The following CTXND1 variants were observed in gnomAD, a reference collection of about 807,000 sequenced individuals.
CTXND1 encodes the protein cortexin domain-containing 1 protein.
At chr15:80,242,422 G>A (rs1050147769) in intron 1 of CTXND1, among the ~76,000 whole-genome samples, 1 of 152,236 alleles carries the variant, frequency 6.6e-6, no homozygotes, top group Admixed American at 6.5e-5. Flanking sequence ...GGCCCCGTCT[G>A]GCGCCTCCTC....
rs1474910018 is a variant in CTXND1, at chr15:80,252,146, C to T, written c.-357G>A. ...GGGCGCGGGGGGCGCTGCCCAGGCC[C>T]GGCTCGGCAGGAGTCAGAGCCCCCA... On this transcript the variant is annotated 5_prime_UTR_variant, in exon 1 of 3. Transcript: ENST00000560778. 9.2e-5 allele frequency: 14 copies of T among 151,358 alleles called. No homozygotes were observed. The highest frequency in any genetic ancestry group is 3.1e-4 in the African/African-American group (13 of 41,338). The allele number at this position is 151,358 out of a possible 1,614,324, so 9.4% of individuals were successfully genotyped here.
At chr15:80,223,832 A>G (rs890547765) in intron 1 of CTXND1, among the ~76,000 whole-genome samples, 5 of 151,552 alleles carry the variant, frequency 3.3e-5, no homozygotes, top group Admixed American at 1.3e-4. Flanking sequence ...AAAAATACCC[A>G]AAACAAAAAA....
intron 1 of CTXND1, among the ~76,000 whole-genome samples, chr15:80,239,459 C>T (rs1359317703): frequency 6.6e-6 from 1 of 152,190 alleles, no homozygotes; most frequent in Non-Finnish European, 1.5e-5. Flanking sequence ...TAATCAGCTG[C>T]CAGCGAATAT....
At chr15:80,222,470 G>C (rs948191105) in intron 1 of CTXND1, among the ~76,000 whole-genome samples, 5 of 152,052 alleles carry the variant, frequency 3.3e-5, no homozygotes, top group Non-Finnish European at 7.4e-5. Flanking sequence ...ACCAACAAAT[G>C]TAACCCTAAC....
intron 1 of CTXND1, among the ~76,000 whole-genome samples, chr15:80,204,211 T>TATATATACACAC (rs34959327): frequency 1.1e-5 from 1 of 89,228 alleles, no homozygotes; most frequent in Non-Finnish European, 2.1e-5. Context: ...CACAAACACA[T>TATATATACACAC]ACACACATGC....
intron 1 of CTXND1, among the ~76,000 whole-genome samples, chr15:80,230,109 C>A (rs554534000): frequency 1.4e-4 from 21 of 152,292 alleles, no homozygotes; most frequent in Non-Finnish European, 2.9e-4. Flanking sequence ...AGACATTCCC[C>A]AAATTAATTA....
In CTXND1 at chr15:80,196,156, T is replaced by G. The variant is rs1595901395; in HGVS notation, c.*5614A>C. 1 of 152,208 alleles carries G rather than the reference T, an allele frequency of 6.6e-6. No individual in the cohort carries two copies. Among genetic ancestry groups the G allele is most frequent in the African/African-American group, 2.4e-5 (1 of 41,450 alleles). The allele number at this position is 152,208 out of a possible 1,614,324, so 9.4% of individuals were successfully genotyped here. On this transcript the variant is annotated 3_prime_UTR_variant, in exon 3 of 3. Transcript: ENST00000560778. ...CTGAGGTGGGGGCATGAAATTAGAT[T>G]TCTAACAAGCTCCCCAGAGATGCCA...
rs1033275702 is a variant in CTXND1, at chr15:80,247,798, C to A, written c.-218+4209G>T. Among the ~76,000 whole-genome samples the A allele has an allele frequency of 2.0e-5, 3 of 151,668 alleles. No homozygotes were observed. In the South Asian group the frequency reaches 6.3e-4, roughly 32 times the overall value. ...GTAGCAACTTTTCTCTGTTCTTCTG[C>A]AGACACTGAGAATGAATATATTAAC... On this transcript the variant is annotated intron_variant, in intron 1 of 2. Coordinates refer to ENST00000560778, the MANE Select transcript of CTXND1 (RefSeq NM_001352888.2).
chr15:80,214,020 T>C (rs1893227700), intron 1 of CTXND1, among the ~76,000 whole-genome samples: 1 of 152,126 alleles, frequency 6.6e-6, no homozygotes, highest in African/African-American at 2.4e-5. Flanking sequence ...GGCAATAACC[T>C]ACTGTGTTTA....
At chr15:80,223,165 G>C (rs891753377) in intron 1 of CTXND1, among the ~76,000 whole-genome samples, 1 of 152,060 alleles carries the variant, frequency 6.6e-6, no homozygotes, top group South Asian at 2.1e-4. Context: ...CTCAACCTCC[G>C]CCTCCTAGGT....
At chr15:80,232,028 C>T (rs144845159) in intron 1 of CTXND1, among the ~76,000 whole-genome samples, 200 of 152,190 alleles carry the variant, frequency 1.3e-3, no homozygotes, top group African/African-American at 4.5e-3. Flanking sequence ...GGGACCTGGC[C>T]ATGGGGATCA....
rs1595905220 is a variant in CTXND1 at position 80,215,650 on chromosome 15, G to GGCCC, written c.-217-11911_-217-11910insGGGC. On this transcript the variant is annotated intron_variant, in intron 1 of 2. Transcript: ENST00000560778. ...TTTTAGATTTGTTGTCTCATATAGG[G>GGCCC]CACATTCCTGGGGCATTATCTGGCC... Among the ~76,000 whole-genome samples, 7 of 152,206 alleles carry GGCCC rather than the reference G, an allele frequency of 4.6e-5. No homozygotes were observed. In the East Asian group the frequency reaches 1.4e-3, roughly 29 times the overall value.
At chr15:80,225,366 A>G (rs1893361035) in intron 1 of CTXND1, among the ~76,000 whole-genome samples, 1 of 151,674 alleles carries the variant, frequency 6.6e-6, no homozygotes, top group Non-Finnish European at 1.5e-5. Context: ...TTTTTTCTTC[A>G]TCTGGTGGGC....
At chr15:80,202,095 C>T in intron 2 of CTXND1, 81 bp from the exon 3 acceptor site, 1 of 396,712 alleles carries the variant, frequency 2.5e-6, no homozygotes, top group Admixed American at 4.4e-5. Flanking sequence ...ACCTCTGCTC[C>T]CTCTTATCTG....
chr15:80,229,579 G>C (rs550034744), intron 1 of CTXND1, among the ~76,000 whole-genome samples: 1 of 152,270 alleles, frequency 6.6e-6, no homozygotes, highest in South Asian at 2.1e-4. Context: ...TCATGTGTGG[G>C]CATCCATTCT....
rs1893699521 is a variant in CTXND1, at chr15:80,251,778, C to T, written c.-218+229G>A. The stretch of plus-strand genomic sequence containing the variant: ...TCCCCTGCCGCGCGGGTCCGGCCCT[C>T]CCCGCCGACCGAGGCGCGCCCCGGG... On this transcript the variant is annotated intron_variant, in intron 1 of 2. Coordinates refer to ENST00000560778, the MANE Select transcript of CTXND1 (RefSeq NM_001352888.2). Among the ~76,000 whole-genome samples, 3 of 152,138 alleles carry T rather than the reference C, an allele frequency of 2.0e-5. No homozygotes were observed. The South Asian group carries it at 6.2e-4, about 31-fold the overall frequency.
chr15:80,237,336 G>GA (rs201997173), intron 1 of CTXND1, among the ~76,000 whole-genome samples: 5,027 of 101,236 alleles, frequency 0.05, 260 homozygotes, highest in East Asian at 0.24. Context: ...CAGTGTCTCA[G>GA]AAAAAAAAAA....
intron 1 of CTXND1, among the ~76,000 whole-genome samples, chr15:80,208,237 T>G (rs1893170632): frequency 6.6e-6 from 1 of 152,220 alleles, no homozygotes; most frequent in Non-Finnish European, 1.5e-5. Context: ...ATACTCTTAC[T>G]TCACTGGAAA....
intron 1 of CTXND1, among the ~76,000 whole-genome samples, chr15:80,211,276 C>T (rs59372338): frequency 0.17 from 25,295 of 152,230 alleles, 2,178 homozygotes; most frequent in East Asian, 0.28. Flanking sequence ...ATAAACAGTA[C>T]GCTGCAGCGA....
Sources: allele counts gnomAD v4.1 joint callset (sites outside exome capture counted in the v4.1 genomes callset), GRCh38; gene constraint gnomAD v4.1.1; transcripts MANE v1.5; gene names NCBI Gene and HGNC (gene_info 2026-07-23, HGNC 2026-07-21).